MAEA: variants seen among roughly 807,000 people sequenced by gnomAD.
MAEA encodes E3 ubiquitin-protein transferase MAEA.
Under a neutral mutation model 46.2 loss-of-function variants are expected in MAEA, and 22 were observed. The ratio of observed to expected loss-of-function variants is 0.48; its 90% CI spans 0.34 to 0.68. The LOEUF (loss-of-function observed/expected upper bound fraction) is 0.68. Ranked by LOEUF, MAEA falls within the 30% of genes least tolerant of loss-of-function variation. The pLI, the probability that MAEA is intolerant of heterozygous loss-of-function variation, is 0.01. For synonymous variants in MAEA, 246 were observed against 222.6 expected (o/e 1.11, Z -0.94); for missense variants, 393 against 558.1 (o/e 0.70, Z 2.98).
In MAEA at chr4:1,311,020, G is replaced by A. The variant is rs550148259; in HGVS notation, c.70-959G>A. Among the ~76,000 whole-genome samples, 7 of 152,244 alleles carry A rather than the reference G, an allele frequency of 4.6e-5. No individual in the cohort carries two copies. The South Asian group carries it at 1.0e-3, about 23-fold the overall frequency. On this transcript the variant is annotated intron_variant, in intron 1 of 8. Coordinates refer to ENST00000303400, the MANE Select transcript of MAEA (RefSeq NM_001017405.3). This position sits in a 1 kb window ranked among gnomAD's most constrained non-coding sequence, Gnocchi z 4.4. ...TAAGCACAGTGGCTGACACGAGGTC[G>A]AGGCGTGCCCAGGGCCGGGGGAGCA...
chr4:1,337,612 A>C, intron 7 of MAEA: 1 of 161,976 alleles, frequency 6.2e-6, no homozygotes, highest in Admixed American at 6.4e-5. Flanking sequence ...CCTGCAACTG[A>C]CTTCTTCCTG....
chr4:1,328,686 C>A, intron 5 of MAEA: 1 of 1,280,582 alleles, frequency 7.8e-7, no homozygotes, highest in Non-Finnish European at 1.0e-6. Flanking sequence ...AAGTGGGCGT[C>A]TCACGATGAG....
chr4:1,332,725 A>G (rs374077943), intron 5 of MAEA, 32 bp from the exon 6 acceptor site: 1 of 1,570,168 alleles, frequency 6.4e-7, no homozygotes, highest in African/African-American at 1.4e-5. Context: ...ATTAAAACGC[A>G]AACTTAAATG....
intron 1 of MAEA, among the ~76,000 whole-genome samples, chr4:1,308,945 A>G (rs949770025): frequency 3.9e-5 from 6 of 152,094 alleles, no homozygotes; most frequent in African/African-American, 1.4e-4. Flanking sequence ...TTAGGAATCT[A>G]TTTTTAATGC....
chr4:1,332,710 T>C (rs772180133), intron 5 of MAEA, 47 bp from the exon 6 acceptor site: 9 of 1,487,332 alleles, frequency 6.1e-6, no homozygotes, highest in Non-Finnish European at 8.4e-6. Flanking sequence ...TCTCTAAAAG[T>C]TAAAATTAAA....
intron 1 of MAEA, chr4:1,309,546 C>G (rs1736206301): frequency 7.0e-7 from 1 of 1,426,524 alleles, no homozygotes; most frequent in Admixed American, 2.4e-5. Context: ...CCCCTGAACT[C>G]AGATTGGATA....
rs990984983 is a variant in MAEA at position 1,328,357 on chromosome 4, G to A, written c.656+654G>A. ...CCGCTGGCTCCCCAGAGTGGGCATC[G>A]TCAGGCAGCAGTGGTCCCTGGCCTG... On this transcript the variant is annotated intron_variant, in intron 5 of 8. Transcript: ENST00000303400. Among the ~76,000 whole-genome samples, 8 of 152,344 alleles carry A rather than the reference G, an allele frequency of 5.3e-5. No homozygotes were observed. In the South Asian group the frequency reaches 8.3e-4, roughly 16 times the overall value.
chr4:1,301,476 T>G (rs1735317162), intron 1 of MAEA, among the ~76,000 whole-genome samples: 1 of 152,140 alleles, frequency 6.6e-6, no homozygotes, highest in Non-Finnish European at 1.5e-5. Context: ...TAGGAAAAAT[T>G]GGGGAGATGT....
intron 1 of MAEA, among the ~76,000 whole-genome samples, chr4:1,292,358 C>T (rs932886329): frequency 6.6e-6 from 1 of 152,154 alleles, no homozygotes; most frequent in Non-Finnish European, 1.5e-5. Context: ...TTCCTCACAG[C>T]GTCAGGGCGG....
At chr4:1,325,714 C>T (rs575733691) in intron 4 of MAEA, among the ~76,000 whole-genome samples, 69 of 152,266 alleles carry the variant, frequency 4.5e-4, no homozygotes, top group African/African-American at 1.6e-3. Context: ...CCCGCTGGCC[C>T]TTCCCTTCCT....
At chr4:1,334,978 G>A (rs1408329385) in intron 6 of MAEA, 2 of 985,314 alleles carry the variant, frequency 2.0e-6, no homozygotes, top group Admixed American at 6.2e-5. Flanking sequence ...GAAGCTTACA[G>A]AGACTGATGG....
At chr4:1,309,868 G>A (rs577057967) in intron 1 of MAEA, 1 of 1,308,666 alleles carries the variant, frequency 7.6e-7, no homozygotes, top group Non-Finnish European at 9.8e-7. Flanking sequence ...CGTCAGCACC[G>A]CGGTGAGGCG....
chr4:1,323,113 A>G (rs751093163), intron 4 of MAEA, among the ~76,000 whole-genome samples: 30 of 151,780 alleles, frequency 2.0e-4, no homozygotes, highest in Non-Finnish European at 3.1e-4. Flanking sequence ...TGCCCGGCTA[A>G]TTTTTGTATT....
chr4:1,299,087 T>G (rs1735064671), intron 1 of MAEA, among the ~76,000 whole-genome samples: 1 of 152,102 alleles, frequency 6.6e-6, no homozygotes, highest in Admixed American at 6.5e-5. Flanking sequence ...CTCCGTTGTC[T>G]AGGCTGGTCT....
At position 1,327,791 on chromosome 4, in the gene MAEA, CT is replaced by C. The variant is rs1739038577; in HGVS notation, c.656+89del. Reference sequence around the variant, plus strand: ...AGCCCTCCCTGTCGTGGTCTGGGTCCTGGGACGTCCCCTGGGTCGTCCCCTG... The same window carrying C: ...AGCCCTCCCTGTCGTGGTCTGGGTCCGGGACGTCCCCTGGGTCGTCCCCTG... On this transcript the variant is annotated intron_variant, in intron 5 of 8. Transcript: ENST00000303400. The C allele has an allele frequency of 4.0e-6, 4 of 995,028 alleles. No individual in the cohort carries two copies. In the Admixed American group the frequency reaches 1.4e-4, roughly 36 times the overall value. The allele number at this position is 995,028 out of a possible 1,614,324, so 61.6% of individuals were successfully genotyped here. A position where few individuals can be genotyped will look rare whatever the true frequency, so the allele number is the denominator to read the frequency against.
chr4:1,295,442 G>A (rs1283430953), intron 1 of MAEA, among the ~76,000 whole-genome samples: 1 of 151,938 alleles, frequency 6.6e-6, no homozygotes, highest in East Asian at 1.9e-4. Context: ...CTGTGGACCC[G>A]GACCGGGACC....
chr4:1,322,441 C>T lies in MAEA; in HGVS notation c.517C>T (p.Arg173Cys), dbSNP rs11553129. The T allele has an allele frequency of 1.8e-4, 298 of 1,614,006 alleles. 1 individual carries two copies. The East Asian group carries it at 5.9e-3, about 32-fold the overall frequency. The change falls in exon 4 of 9, where the codon CGT becomes TGT. Residue 173 changes from arginine to cysteine, a missense_variant. Arg to Cys is a radical substitution (Grantham distance 180, BLOSUM62 -3). Around this residue, in one of 2 missense-constraint regions of MAEA, gnomAD observed 358 missense variants for 537.9 expected, o/e 0.67. Transcript: ENST00000303400. Reference sequence around the variant, plus strand: ...AGAGGTGGAGGAGTCCCTGGAGAGGCGTGAGACGGCCACCTGCCTGGCCTG... The same window carrying T: ...AGAGGTGGAGGAGTCCCTGGAGAGGTGTGAGACGGCCACCTGCCTGGCCTG... ...AKEVEESLERRETATCLAWCH... is the reference protein window; with the variant it reads ...AKEVEESLERCETATCLAWCH...
chr4:1,321,812 C>T (rs149108499), intron 3 of MAEA, among the ~76,000 whole-genome samples: 1 of 152,222 alleles, frequency 6.6e-6, no homozygotes, highest in Non-Finnish European at 1.5e-5. Context: ...GCACCCACCC[C>T]CTGTGCCCGG....
intron 1 of MAEA, among the ~76,000 whole-genome samples, chr4:1,295,855 A>C (rs1577123949): frequency 1.6e-5 from 1 of 62,854 alleles, no homozygotes; most frequent in African/African-American, 7.2e-5. Context: ...GCCGGTGCCC[A>C]CCACACCTGC....
Sources: gnomAD v4.1 joint callset for allele counts (sites outside exome capture counted in the v4.1 genomes callset) on GRCh38, gnomAD v4.1.1 for gene constraint, gnomAD v4.1.1 regional missense constraint, Gnocchi (gnomAD v3.1) non-coding constraint, MANE v1.5 for transcripts, NCBI Gene and HGNC (gene_info 2026-07-23, HGNC 2026-07-21) for gene names.